Variants in PSMC2 observed in about 807,000 individuals in gnomAD.
PSMC2 encodes the protein 26S proteasome regulatory subunit 7.
In PSMC2, 7 loss-of-function variants were observed where a neutral mutation model predicts 53.3. The observed-to-expected ratio is 0.13, with a 90% CI of 0.07 to 0.25. The LOEUF is 0.25. PSMC2 is among the 10% of genes least tolerant of loss of function. PSMC2 has a pLI of 1.00. For missense variants in PSMC2, 241 were observed against 544.0 expected (o/e 0.44, Z 5.54); for synonymous variants, 169 against 183.9 (o/e 0.92, Z 0.66).
At chr7:103,361,153 T>G (rs542739748) in intron 4 of PSMC2, among the ~76,000 whole-genome samples, 8 of 49,816 alleles carry the variant, frequency 1.6e-4, no homozygotes, top group African/African-American at 3.6e-4. Flanking sequence ...TTCTACTGCC[T>G]CAGTTAAAAA....
intron 4 of PSMC2, among the ~76,000 whole-genome samples, chr7:103,361,380 C>T (rs1820392813): frequency 6.7e-6 from 1 of 149,400 alleles, no homozygotes; most frequent in South Asian, 2.1e-4. Flanking sequence ...CATGGTGGTG[C>T]ATGCCTGTAA....
Position 103,367,827 on chromosome 7 carries a change from G to A in PSMC2, c.1144+18G>A. The A allele has an allele frequency of 6.2e-7, 1 of 1,611,878 alleles. No individual in the cohort carries two copies. The highest frequency in any genetic ancestry group is 8.5e-7 in the Non-Finnish European group (1 of 1,179,068). On this transcript the variant is annotated intron_variant, in intron 11 of 11. Transcript: ENST00000292644. This position sits in a 1 kb window ranked among gnomAD's most constrained non-coding sequence, Gnocchi z 6.1. ...TAGCACTGGTAAGTAGAAAGTTCTT[G>A]CTTATATTTGCTGGTCTGTCTGCTC...
At position 103,364,150 on chromosome 7, in the gene PSMC2, G is replaced by A. The variant is rs374959956; in HGVS notation, c.599G>A (p.Arg200Lys). The A allele has an allele frequency of 1.5e-5, 25 of 1,613,720 alleles. No individual in the cohort carries two copies. Among genetic ancestry groups the A allele is most frequent in the Non-Finnish European group, 1.9e-5 (22 of 1,179,918 alleles). ...ATTGTGTCTCTATCACAGCCAGAGAGGTTTGTGAACCTTGGCATTGAGCCT... is the reference window on the plus strand; with the variant it reads ...ATTGTGTCTCTATCACAGCCAGAGAAGTTTGTGAACCTTGGCATTGAGCCT... ...VVETPLLHPERFVNLGIEPPK... is the reference protein window; with the variant it reads ...VVETPLLHPEKFVNLGIEPPK... Residue 200 changes from arginine to lysine, a missense_variant, in exon 8 of 12, where the codon AGG becomes AAG. Transcript: ENST00000292644.
At chr7:103,365,838 G>A (rs1373442747) in intron 8 of PSMC2, among the ~76,000 whole-genome samples, 1 of 152,018 alleles carries the variant, frequency 6.6e-6, no homozygotes, top group Admixed American at 6.6e-5. Flanking sequence ...TGAGGTAGGG[G>A]AATCGCTTGA....
intron 8 of PSMC2, among the ~76,000 whole-genome samples, chr7:103,365,583 C>T (rs949200534): frequency 2.0e-5 from 3 of 152,064 alleles, no homozygotes; most frequent in South Asian, 4.1e-4. Flanking sequence ...GAGCCAAGAT[C>T]GTGCCATTGC....
At chr7:103,363,241 A>C in intron 6 of PSMC2, 103 bp from the exon 7 acceptor site, 1 of 864,016 alleles carries the variant, frequency 1.2e-6, no homozygotes, top group Admixed American at 2.6e-5. Context: ...TAAAATTCTC[A>C]CTTGTGAGTT....
chr7:103,355,156 G>GAAATAA (rs1183913166), intron 3 of PSMC2, among the ~76,000 whole-genome samples: 1 of 152,136 alleles, frequency 6.6e-6, no homozygotes, highest in East Asian at 1.9e-4. Context: ...TAAGAAATAA[G>GAAATAA]AAATAGTACC....
In PSMC2 at chr7:103,354,956, AT is replaced by A; in HGVS notation, c.190+12del. The A allele has an allele frequency of 6.4e-7, 1 of 1,567,298 alleles. No individual in the cohort carries two copies. ...AAAATTAATGAGCTCACTGGTATGT[AT>A]TTTTAAATTCCCATTTCCTTCCTTT... is the stretch of plus-strand genomic sequence containing the variant. On this transcript the variant is annotated splice_region_variant and intron_variant, in intron 3 of 11. Coordinates refer to ENST00000292644, the MANE Select transcript of PSMC2 (RefSeq NM_002803.4).
chr7:103,357,194 C>T (rs968231602), intron 4 of PSMC2, among the ~76,000 whole-genome samples: 1 of 151,826 alleles, frequency 6.6e-6, no homozygotes, highest in African/African-American at 2.4e-5. Context: ...GGTGTGGTGG[C>T]GGGCGCTTGT....
intron 5 of PSMC2, 126 bp downstream of exon 5, chr7:103,362,214 G>A (rs559624433): frequency 1.3e-6 from 2 of 1,487,436 alleles, no homozygotes; most frequent in East Asian, 2.5e-5. Context: ...ATCTAGTAAT[G>A]TACTATAGTT....
In PSMC2 at chr7:103,367,555, A is replaced by G. The variant is rs1480514948; in HGVS notation, c.987A>G (p.Pro329=). ...CTAACAGACCTGATACTTTGGATCC[A>G]GCACTGATGAGGCCAGGGAGATTGG... ...MATNRPDTLD[P]ALMRPGRLDR... Residue 329 remains proline, a synonymous_variant, in exon 10 of 12, where the codon CCA becomes CCG. Coordinates refer to ENST00000292644, the MANE Select transcript of PSMC2 (RefSeq NM_002803.4). This position sits in a 1 kb window ranked among gnomAD's most constrained non-coding sequence, Gnocchi z 6.1. 3.7e-6 allele frequency: 6 copies of G among 1,614,214 alleles called. No individual in the cohort carries two copies. Among genetic ancestry groups the G allele is most frequent in the Non-Finnish European group, 4.2e-6 (5 of 1,180,044 alleles).
At chr7:103,355,240 T>C (rs1334971460) in intron 3 of PSMC2, among the ~76,000 whole-genome samples, 1 of 152,210 alleles carries the variant, frequency 6.6e-6, no homozygotes, top group Non-Finnish European at 1.5e-5. Context: ...TCAAAAAACT[T>C]TTTTGGATAA....
intron 1 of PSMC2, among the ~76,000 whole-genome samples, chr7:103,348,413 T>G (rs1055227682): frequency 1.3e-5 from 2 of 152,240 alleles, no homozygotes; most frequent in Non-Finnish European, 2.9e-5. Flanking sequence ...AACATCTTGA[T>G]TTTTAAAAAA....
chr7:103,355,237 AC>A (rs1364144527), intron 3 of PSMC2, among the ~76,000 whole-genome samples: 1 of 152,220 alleles, frequency 6.6e-6, no homozygotes, highest in Admixed American at 6.5e-5. Flanking sequence ...AAGTCAAAAA[AC>A]TTTTTTGGAT....
In PSMC2 at chr7:103,366,237, GTTAATC is replaced by G. The variant is rs1404351767; in HGVS notation, c.844+77_844+82del. 124 of 1,317,312 alleles carry G rather than the reference GTTAATC, an allele frequency of 9.4e-5. 1 individual carries two copies. The highest frequency in any genetic ancestry group is 9.3e-4 in the Middle Eastern group (5 of 5,386). The allele number at this position is 1,317,312 out of a possible 1,614,324, so 81.6% of individuals were successfully genotyped here. A position where few individuals can be genotyped will look rare whatever the true frequency, so the allele number is the denominator to read the frequency against. On this transcript the variant is annotated intron_variant, in intron 9 of 11. Transcript: ENST00000292644. ...GCTGTAAAGTGATATGTCGTGATATGTTAATCTTGTACAGAATTTTAACTCCAACTC... is the reference window on the plus strand; with the variant it reads ...GCTGTAAAGTGATATGTCGTGATATGTTGTACAGAATTTTAACTCCAACTC...
chr7:103,362,219 A>G, intron 5 of PSMC2, 131 bp downstream of exon 5: 2 of 1,473,992 alleles, frequency 1.4e-6, no homozygotes, highest in Non-Finnish European at 1.8e-6. Context: ...GTAATGTACT[A>G]TAGTTGAAAA....
At position 103,355,764 on chromosome 7, in the gene PSMC2, C is replaced by T; in HGVS notation, c.261C>T (p.Leu87=). 1 of 1,613,942 alleles carries T rather than the reference C, an allele frequency of 6.2e-7. No homozygotes were observed. Among genetic ancestry groups the T allele is most frequent in the Non-Finnish European group, 8.5e-7 (1 of 1,179,916 alleles). Residue 87 remains leucine, a synonymous_variant, in exon 4 of 12, where the codon CTC becomes CTT. Coordinates refer to ENST00000292644, the MANE Select transcript of PSMC2 (RefSeq NM_002803.4). ...LWDLAADKQT[L]QSEQPLQVAR... The stretch of plus-strand genomic sequence containing the variant: ...ATTTGGCTGCAGATAAGCAGACACT[C>T]CAGAGTGAACAGCCTTTACAGGTTG...
Position 103,367,784 on chromosome 7 carries a change from A to G in PSMC2, c.1119A>G (p.Leu373=). The G allele has an allele frequency of 6.2e-7, 1 of 1,613,912 alleles. No homozygotes were observed. The highest frequency in any genetic ancestry group is 2.2e-5 in the East Asian group (1 of 44,880). ...AAAGAGATATCAGATTTGAACTGTT[A>G]GCACGACTGTGTCCAAATAGCACTG... The part of the protein sequence containing the change: ...SVERDIRFEL[L]ARLCPNSTGA... The change falls in exon 11 of 12, where the codon TTA becomes TTG. Residue 373 remains leucine, a synonymous_variant. Coordinates refer to ENST00000292644, the MANE Select transcript of PSMC2 (RefSeq NM_002803.4). The surrounding 1 kb of genome is among the most constrained non-coding windows in gnomAD (Gnocchi z 6.1).
chr7:103,348,601 A>T, intron 1 of PSMC2: 1 of 1,048,770 alleles, frequency 9.5e-7, no homozygotes, highest in Non-Finnish European at 1.5e-6. Flanking sequence ...TGAGACCAAG[A>T]TGGGTCACCA....
Sources: allele counts gnomAD v4.1 joint callset (sites outside exome capture counted in the v4.1 genomes callset), GRCh38; gene constraint gnomAD v4.1.1; non-coding constraint Gnocchi (gnomAD v3.1); transcripts MANE v1.5; gene names NCBI Gene and HGNC (gene_info 2026-07-23, HGNC 2026-07-21).